Variants in KCNMA1 observed in about 807,000 individuals in gnomAD.
KCNMA1 encodes Calcium-activated potassium channel subunit alpha-1.
KCNMA1 carries 29 observed loss-of-function variants against 140.0 expected under a neutral mutation model. The ratio of observed to expected loss-of-function variants is 0.21; its 90% CI spans 0.15 to 0.28. KCNMA1 has a LOEUF of 0.28. Among genes scored for constraint, KCNMA1 ranks in the 10% least tolerant of loss-of-function variants. KCNMA1 has a pLI of 1.00. For synonymous variants in KCNMA1, 612 were observed against 611.9 expected (o/e 1.00, Z 0.00); for missense variants, 880 against 1,602.2 (o/e 0.55, Z 7.70).
downstream of KCNMA1, among the ~76,000 whole-genome samples, chr10:76,882,549 G>A (rs1303606972): frequency 6.6e-6 from 1 of 152,108 alleles, no homozygotes; most frequent in African/African-American, 2.4e-5. Context: ...TTATTTCATA[G>A]AGATACAAAT....
chr10:77,070,935 C>T (rs1290558592), intron 14 of KCNMA1, among the ~76,000 whole-genome samples: 2 of 152,112 alleles, frequency 1.3e-5, no homozygotes, highest in African/African-American at 4.8e-5. Context: ...TAGCCAATTC[C>T]AACACAAAGA....
chr10:77,456,428 A>C (rs1603624394), intron 1 of KCNMA1, among the ~76,000 whole-genome samples: 1 of 151,810 alleles, frequency 6.6e-6, no homozygotes, highest in South Asian at 2.1e-4. Context: ...TATTATCTCC[A>C]CACTTATCAT....
chr10:77,285,274 G>A (rs2070365383), intron 2 of KCNMA1, among the ~76,000 whole-genome samples: 1 of 152,072 alleles, frequency 6.6e-6, no homozygotes, highest in African/African-American at 2.4e-5. Flanking sequence ...ATCAAGTCTA[G>A]TTGTAAAAGG....
intron 5 of KCNMA1, among the ~76,000 whole-genome samples, chr10:77,170,051 C>T (rs536343945): frequency 7.9e-5 from 12 of 151,968 alleles, no homozygotes; most frequent in South Asian, 2.1e-4. Flanking sequence ...ATTAGCTGGG[C>T]GTGGTGGTGG....
chr10:77,099,582 C>T (rs548081721), intron 9 of KCNMA1, among the ~76,000 whole-genome samples: 3 of 152,000 alleles, frequency 2.0e-5, no homozygotes, highest in Admixed American at 6.6e-5. Context: ...GGCATGGTGG[C>T]GTACGCCTGT....
At position 77,104,896 on chromosome 10, in the gene KCNMA1, T is replaced by G. The variant is rs2097170229; in HGVS notation, c.1223+3585A>C. 2.0e-5 allele frequency among the ~76,000 whole-genome samples: 3 copies of G among 152,124 alleles called. No individual in the cohort carries two copies. The South Asian group carries it at 6.2e-4, about 32-fold the overall frequency. ...CACCAGCCCTCAGGCCTTCCCTGTC[T>G]CTAAGCAGCTTTGACCTTACACAAA... On this transcript the variant is annotated intron_variant, in intron 9 of 27. Coordinates refer to ENST00000286628, the MANE Select transcript of KCNMA1 (RefSeq NM_001161352.2).
In KCNMA1 at chr10:77,015,679, A is replaced by C. The variant is rs536642905; in HGVS notation, c.2015+3334T>G. Among the ~76,000 whole-genome samples, 5 of 152,232 alleles carry C rather than the reference A, an allele frequency of 3.3e-5. No homozygotes were observed. The South Asian group carries it at 1.0e-3, about 32-fold the overall frequency. On this transcript the variant is annotated intron_variant, in intron 17 of 27. Transcript: ENST00000286628. ...TAGAATGCTTAACTTCCTACTACCC[A>C]AAACTTGCTCCTTCTCTAGTATCCC...
intron 1 of KCNMA1, among the ~76,000 whole-genome samples, chr10:77,561,912 G>A (rs1033342749): frequency 2.6e-5 from 4 of 152,296 alleles, no homozygotes; most frequent in Non-Finnish European, 4.4e-5. Context: ...GCTCTTAGTC[G>A]AAACTGAATT....
chr10:76,907,960 G>T (rs2048468190), intron 25 of KCNMA1, among the ~76,000 whole-genome samples: 1 of 152,142 alleles, frequency 6.6e-6, no homozygotes, highest in Non-Finnish European at 1.5e-5. Context: ...TATCTGATAT[G>T]TAGAAACATA....
chr10:77,496,261 T>C (rs1041707051), intron 1 of KCNMA1, among the ~76,000 whole-genome samples: 2 of 152,058 alleles, frequency 1.3e-5, no homozygotes, highest in African/African-American at 4.8e-5. Context: ...GACCACCTCA[T>C]GCATGTTACA....
At chr10:77,124,444 G>C (rs2097690245) in intron 5 of KCNMA1, among the ~76,000 whole-genome samples, 2 of 152,162 alleles carry the variant, frequency 1.3e-5, no homozygotes. Context: ...ATCTAGCTCT[G>C]AGCACCTTCT....
In KCNMA1 at chr10:77,090,881, G is replaced by A. The variant is rs79282906; in HGVS notation, c.1224-371C>T. ...ATCTCTCCCTTTCTGCCCACAAAGC[G>A]TCCTCCGGGGAGATTTACTGTATGA... On this transcript the variant is annotated intron_variant, in intron 9 of 27. Transcript: ENST00000286628. The A allele has an allele frequency of 4.7e-3, 1,433 of 308,130 alleles. 21 individuals carry two copies. The highest frequency in any genetic ancestry group is 0.028 in the African/African-American group (1,335 of 47,192). 19.1% of individuals were successfully genotyped at this position (308,130 alleles called of 1,614,324 possible).
At chr10:77,580,696 A>G (rs2154562846) in intron 1 of KCNMA1, among the ~76,000 whole-genome samples, 1 of 152,320 alleles carries the variant, frequency 6.6e-6, no homozygotes, top group South Asian at 2.1e-4. Flanking sequence ...AAAAGAGGTC[A>G]GAGTCCCAAG....
chr10:76,920,686 T>C (rs939646379), intron 23 of KCNMA1, among the ~76,000 whole-genome samples: 1 of 152,168 alleles, frequency 6.6e-6, no homozygotes, highest in South Asian at 2.1e-4. Flanking sequence ...GCATACCCAA[T>C]TGGTAAGTGT....
At chr10:76,872,004 G>C (rs1251555375) in exon 28 of KCNMA1, 1 of 152,108 alleles carries the variant, frequency 6.6e-6, no homozygotes, top group African/African-American at 2.4e-5. Flanking sequence ...TCTAAACAAG[G>C]GCTACCTGAT....
intron 1 of KCNMA1, among the ~76,000 whole-genome samples, chr10:77,409,592 G>T (rs1254312400): frequency 6.6e-6 from 1 of 152,184 alleles, no homozygotes; most frequent in Non-Finnish European, 1.5e-5. Flanking sequence ...CTGGGTTCAG[G>T]TGTGAGGGTC....
chr10:77,353,503 T>C (rs889992400), intron 2 of KCNMA1, among the ~76,000 whole-genome samples: 1 of 152,094 alleles, frequency 6.6e-6, no homozygotes, highest in Non-Finnish European at 1.5e-5. Context: ...CTCTAGGGCT[T>C]ACAGCAACCC....
intron 1 of KCNMA1, among the ~76,000 whole-genome samples, chr10:77,455,686 T>A (rs529182872): frequency 6.6e-6 from 1 of 152,200 alleles, no homozygotes; most frequent in East Asian, 1.9e-4. Context: ...TGAATCACCT[T>A]CAAGGACACT....
chr10:77,252,070 A>C (rs1045367099), intron 2 of KCNMA1, among the ~76,000 whole-genome samples: 1 of 152,204 alleles, frequency 6.6e-6, no homozygotes, highest in African/African-American at 2.4e-5. Flanking sequence ...TTATGTGACA[A>C]TCCTTGTCCT....
Sources: gnomAD v4.1 joint callset for allele counts (sites outside exome capture counted in the v4.1 genomes callset) on GRCh38, gnomAD v4.1.1 for gene constraint, MANE v1.5 for transcripts, NCBI Gene and HGNC (gene_info 2026-07-23, HGNC 2026-07-21) for gene names.